VAPA: variants seen among roughly 807,000 people sequenced by gnomAD.
VAPA encodes the protein vesicle-associated membrane protein-associated protein A.
A neutral mutation model predicts 25.6 loss-of-function variants in VAPA; 6 were observed. The ratio of observed to expected loss-of-function variants is 0.23; its 90% confidence interval spans 0.13 to 0.46. VAPA has a LOEUF of 0.46. Ranked by LOEUF, VAPA falls within the 20% of genes least tolerant of loss-of-function variation. The pLI is 0.99. For synonymous variants in VAPA, 112 were observed against 106.2 expected (o/e 1.05, Z -0.34); for missense variants, 244 against 302.1 (o/e 0.81, Z 1.43).
intron 4 of VAPA, chr18:9,947,655 T>A (rs2069439673): frequency 1.3e-5 from 2 of 152,212 alleles, no homozygotes; most frequent in African/African-American, 4.8e-5. Flanking sequence ...GCATGTTGAA[T>A]CTCTCTGGTG....
At chr18:9,950,268 C>G in intron 4 of VAPA, 127 bp from the exon 5 acceptor site, 1 of 929,932 alleles carries the variant, frequency 1.1e-6, no homozygotes, top group Admixed American at 2.8e-5. Flanking sequence ...TGACTGCTGA[C>G]ATGTACTGAT....
intron 1 of VAPA, among the ~76,000 whole-genome samples, chr18:9,928,348 AT>A (rs2069220276): frequency 2.0e-5 from 3 of 152,168 alleles, no homozygotes; most frequent in African/African-American, 7.2e-5. Context: ...TCAAGGAATT[AT>A]CAAAAGTTAA....
Position 9,917,113 on chromosome 18 carries a change from TAAAGAA to T in VAPA, c.79+2785_79+2790del, listed in dbSNP as rs143993630. On this transcript the variant is annotated intron_variant, in intron 1 of 5. Transcript: ENST00000400000. ...TTCTGAAGTAGATCACTTGTGTTAGTAAAGAAAAAGAAGTAGACGCTGCTTTACTTC... is the reference window on the plus strand; with the variant it reads ...TTCTGAAGTAGATCACTTGTGTTAGTAAAGAAGTAGACGCTGCTTTACTTC... Among the ~76,000 whole-genome samples, 370 of 152,340 alleles carry T rather than the reference TAAAGAA, an allele frequency of 2.4e-3. 1 individual carries two copies. Among genetic ancestry groups the T allele is most frequent in the African/African-American group, 8.5e-3 (352 of 41,576 alleles).
chr18:9,948,197 T>TAG (rs2069446557), intron 4 of VAPA: 1 of 152,192 alleles, frequency 6.6e-6, no homozygotes, highest in African/African-American at 2.4e-5. Flanking sequence ...AATTCTAATC[T>TAG]AATTCCAAGT....
chr18:9,943,526 G>T (rs2069386949), intron 4 of VAPA, among the ~76,000 whole-genome samples: 1 of 152,138 alleles, frequency 6.6e-6, no homozygotes, highest in African/African-American at 2.4e-5. Flanking sequence ...GAAAGCCATT[G>T]AGCCTGTTCC....
intron 1 of VAPA, among the ~76,000 whole-genome samples, chr18:9,916,232 A>G (rs1378795177): frequency 2.0e-5 from 3 of 152,214 alleles, no homozygotes; most frequent in African/African-American, 7.2e-5. Context: ...ACAGTGACTT[A>G]CTCATATATT....
intron 4 of VAPA, chr18:9,948,083 T>C (rs920446850): frequency 4.6e-5 from 7 of 152,208 alleles, no homozygotes; most frequent in Non-Finnish European, 1.0e-4. Flanking sequence ...CTGTTTATGC[T>C]CCACATATTG....
In VAPA at chr18:9,958,408, A is replaced by G. The variant is rs1384492477; in HGVS notation, c.*4197A>G. ...AGTTTCTTGTTTTCCAGTTGTTGCT[A>G]TGTATAACACCCATCTTGAAAGAGA... On this transcript the variant is annotated 3_prime_UTR_variant, in exon 6 of 6. Transcript: ENST00000400000. The G allele has an allele frequency of 6.6e-6, 1 of 152,214 alleles. No homozygotes were observed. Among genetic ancestry groups the G allele is most frequent in the African/African-American group, 2.4e-5 (1 of 41,450 alleles). 9.4% of individuals were successfully genotyped at this position (152,214 alleles called of 1,614,324 possible). A position where few individuals can be genotyped will look rare whatever the true frequency, so the allele number is the denominator to read the frequency against.
intron 4 of VAPA, among the ~76,000 whole-genome samples, chr18:9,942,256 T>TA (rs2069373381): frequency 6.6e-6 from 1 of 152,242 alleles, no homozygotes; most frequent in South Asian, 2.1e-4. Context: ...TCACCTCAGA[T>TA]AAGCACCATT....
At chr18:9,917,417 A>AGT (rs1474986617) in intron 1 of VAPA, among the ~76,000 whole-genome samples, 2 of 152,106 alleles carry the variant, frequency 1.3e-5, no homozygotes, top group Non-Finnish European at 2.9e-5. Flanking sequence ...CAGTCTCCAG[A>AGT]GTAGCTGGAA....
At chr18:9,935,765 C>T (rs1217466903) in intron 2 of VAPA, among the ~76,000 whole-genome samples, 1 of 152,160 alleles carries the variant, frequency 6.6e-6, no homozygotes, top group African/African-American at 2.4e-5. Context: ...TGAAAATTTT[C>T]ACAAGCTGAG....
intron 2 of VAPA, 152 bp from the exon 3 acceptor site, chr18:9,935,958 T>A: frequency 2.3e-6 from 1 of 438,610 alleles, no homozygotes; most frequent in East Asian, 3.7e-5. Context: ...TTTTTTAAAT[T>A]TGCATATTTG....
At chr18:9,935,646 T>C (rs2069302064) in intron 2 of VAPA, among the ~76,000 whole-genome samples, 1 of 152,200 alleles carries the variant, frequency 6.6e-6, no homozygotes. Context: ...AATATCTCAG[T>C]TGTATAATTT....
chr18:9,930,750 A>G (rs1054446474), intron 1 of VAPA, among the ~76,000 whole-genome samples: 1 of 151,672 alleles, frequency 6.6e-6, no homozygotes, highest in African/African-American at 2.4e-5. Context: ...TCTTTTCTAT[A>G]ACTGGTTCTC....
At chr18:9,944,852 C>T in intron 4 of VAPA, 1 of 1,533,610 alleles carries the variant, frequency 6.5e-7, no homozygotes, top group Non-Finnish European at 8.8e-7. Context: ...CTGTGTCAGT[C>T]ATTCCCAATA....
rs745608415 is a variant in VAPA at position 9,914,316 on chromosome 18, C to T, written c.60C>T (p.Pro20=). 6.3e-7 allele frequency: 1 copy of T among 1,584,888 alleles called. No homozygotes were observed. Among genetic ancestry groups the T allele is most frequent in the East Asian group, 2.5e-5 (1 of 40,276 alleles). The change falls in exon 1 of 6, where the codon CCC becomes CCT. Residue 20 remains proline (P), a synonymous_variant. Transcript: ENST00000400000. ...KHEQILVLDP[P]TDLKFKGPFT... is the part of the protein sequence containing the mutation. ...AGCAGATCCTGGTCCTCGATCCGCC[C>T]ACAGACCTCAAATTCAAAGGTAGGC... is the stretch of plus-strand genomic sequence containing the variant.
chr18:9,934,629 G>T (rs2069289553), intron 2 of VAPA, among the ~76,000 whole-genome samples: 1 of 152,106 alleles, frequency 6.6e-6, no homozygotes, highest in South Asian at 2.1e-4. Context: ...TTTTGAAAGT[G>T]TAGAGATATA....
chr18:9,928,925 T>C (rs1406927282), intron 1 of VAPA, among the ~76,000 whole-genome samples: 1 of 152,146 alleles, frequency 6.6e-6, no homozygotes, highest in Non-Finnish European at 1.5e-5. Flanking sequence ...TTTCTTAACA[T>C]TGTTAAAAGG....
At chr18:9,924,796 G>C (rs2069186389) in intron 1 of VAPA, 1 of 152,036 alleles carries the variant, frequency 6.6e-6, no homozygotes, top group South Asian at 2.1e-4. Context: ...GGTTAGACTG[G>C]GATAGAGAGG....
Sources: allele counts gnomAD v4.1 joint callset (sites outside exome capture counted in the v4.1 genomes callset), GRCh38; gene constraint gnomAD v4.1.1; transcripts MANE v1.5; gene names NCBI Gene and HGNC (gene_info 2026-07-23, HGNC 2026-07-21).